Variants in SGCZ observed in about 807,000 individuals in gnomAD.
The protein encoded by SGCZ is zeta-sarcoglycan.
SGCZ carries 40 observed loss-of-function variants against 41.3 expected under a neutral mutation model. The ratio of observed to expected loss-of-function variants is 0.97; its 90% CI spans 0.75 to 1.26. SGCZ has a LOEUF of 1.26. Ranked by LOEUF, SGCZ falls within the 50% of genes most tolerant of loss-of-function variation. The pLI is 0.00. For synonymous variants in SGCZ, 206 were observed against 137.5 expected (o/e 1.50, Z -3.49); for missense variants, 552 against 369.8 (o/e 1.49, Z -4.04).
intron 1 of SGCZ, among the ~76,000 whole-genome samples, chr8:15,179,768 G>C (rs997394499): frequency 9.2e-5 from 14 of 152,202 alleles, no homozygotes; most frequent in Admixed American, 8.5e-4. Flanking sequence ...CAAGACATTA[G>C]GAAATAGAGG....
intron 1 of SGCZ, among the ~76,000 whole-genome samples, chr8:14,960,729 T>C (rs1585414669): frequency 1.3e-5 from 2 of 151,990 alleles, no homozygotes; most frequent in East Asian, 1.9e-4. Flanking sequence ...TGTGAAGAAA[T>C]AGCCAAAGAA....
intron 1 of SGCZ, among the ~76,000 whole-genome samples, chr8:14,992,607 C>T (rs984288779): frequency 6.6e-6 from 1 of 151,252 alleles, no homozygotes; most frequent in African/African-American, 2.4e-5. Context: ...CAAATCTACT[C>T]CCAAAACCAG....
intron 4 of SGCZ, among the ~76,000 whole-genome samples, chr8:14,168,196 G>T (rs1261413525): frequency 6.6e-6 from 1 of 152,144 alleles, no homozygotes; most frequent in Non-Finnish European, 1.5e-5. Flanking sequence ...AAACAAAAAT[G>T]AGATTCAAAA....
chr8:14,586,760 C>T (rs867756341), intron 1 of SGCZ, among the ~76,000 whole-genome samples: 4 of 151,992 alleles, frequency 2.6e-5, no homozygotes, highest in Non-Finnish European at 5.9e-5. Context: ...TATGAAATAT[C>T]TACGTTTTAA....
chr8:14,829,405 T>C (rs950135530), intron 1 of SGCZ, among the ~76,000 whole-genome samples: 3 of 152,248 alleles, frequency 2.0e-5, no homozygotes, highest in Non-Finnish European at 2.9e-5. Context: ...GACGCTTATG[T>C]TGAAATATAA....
intron 2 of SGCZ, among the ~76,000 whole-genome samples, chr8:14,427,389 C>G (rs142102165): frequency 1.3e-5 from 2 of 152,082 alleles, no homozygotes; most frequent in Admixed American, 1.3e-4. Context: ...AAAGAAAAAG[C>G]GTGAAGGCAT....
In SGCZ at chr8:15,225,427, G is replaced by A. The variant is rs192944128; in HGVS notation, c.39+12158C>T. ...CTTATGCAATATTACAACAGAGGGA[G>A]AGGAACTGGCATGACTAAGTAGAAC... On this transcript the variant is annotated intron_variant, in intron 1 of 7. Coordinates refer to ENST00000382080, the MANE Select transcript of SGCZ (RefSeq NM_139167.4). Among the ~76,000 whole-genome samples the A allele has an allele frequency of 1.1e-3, 162 of 152,336 alleles. 2 individuals carry two copies. Among genetic ancestry groups the A allele is most frequent in the Admixed American group, 9.5e-3 (145 of 15,302 alleles).
At chr8:14,646,805 T>G (rs891172032) in intron 1 of SGCZ, among the ~76,000 whole-genome samples, 2 of 152,026 alleles carry the variant, frequency 1.3e-5, no homozygotes, top group Non-Finnish European at 2.9e-5. Context: ...AAAACACTTT[T>G]TTTTGGCACC....
chr8:14,683,422 A>T (rs1007789893), intron 1 of SGCZ, among the ~76,000 whole-genome samples: 10 of 152,266 alleles, frequency 6.6e-5, no homozygotes, highest in African/African-American at 2.4e-4. Context: ...AAAAAACTAA[A>T]AATTAGAATA....
At chr8:14,673,403 G>GCTCTCTCTCGCGCTCGCGCTGT (rs1233937865) in intron 1 of SGCZ, among the ~76,000 whole-genome samples, 8 of 151,882 alleles carry the variant, frequency 5.3e-5, no homozygotes, top group Middle Eastern at 3.4e-3. Flanking sequence ...AGTTTCACCT[G>GCTCTCTCTCGCGCTCGCGCTGT]CTCTCTCTCG....
rs538317590 is a variant in SGCZ, at chr8:15,193,351, G to A, written c.39+44234C>T. 7.1e-4 allele frequency among the ~76,000 whole-genome samples: 108 copies of A among 152,122 alleles called. 1 individual carries two copies. In the South Asian group the frequency reaches 0.017, roughly 23 times the overall value. ...GGTACAAAACATTCATGAGGACATC[G>A]TTATAACTGTCACACGTTGAATTAT... On this transcript the variant is annotated intron_variant, in intron 1 of 7. Transcript: ENST00000382080.
intron 1 of SGCZ, among the ~76,000 whole-genome samples, chr8:14,823,157 G>C (rs902589800): frequency 6.7e-5 from 10 of 150,246 alleles, no homozygotes; most frequent in Admixed American, 2.7e-4. Flanking sequence ...AATGCTTCAT[G>C]ACATTGGGCT....
At chr8:14,519,902 G>C (rs1290888223) in intron 2 of SGCZ, among the ~76,000 whole-genome samples, 1 of 152,010 alleles carries the variant, frequency 6.6e-6, no homozygotes, top group African/African-American at 2.4e-5. Context: ...CTCTGGTAGA[G>C]TGGTTATGTC....
chr8:15,191,980 A>C (rs2117112491), intron 1 of SGCZ, among the ~76,000 whole-genome samples: 1 of 152,210 alleles, frequency 6.6e-6, no homozygotes, highest in South Asian at 2.1e-4. Context: ...CTCACCTGTA[A>C]AAATTGCATA....
At chr8:14,648,172 T>C (rs1182884447) in intron 1 of SGCZ, among the ~76,000 whole-genome samples, 1 of 152,126 alleles carries the variant, frequency 6.6e-6, no homozygotes, top group Non-Finnish European at 1.5e-5. Context: ...TTCAGGTACA[T>C]ATTTAAAAAA....
chr8:14,934,211 A>C (rs1312495440), intron 1 of SGCZ, among the ~76,000 whole-genome samples: 2 of 152,026 alleles, frequency 1.3e-5, no homozygotes, highest in East Asian at 1.9e-4. Flanking sequence ...CAAATCCAGA[A>C]TGGAATAGGG....
At chr8:14,584,660 C>T (rs921923872) in intron 1 of SGCZ, among the ~76,000 whole-genome samples, 6 of 151,848 alleles carry the variant, frequency 4.0e-5, no homozygotes, top group African/African-American at 7.3e-5. Context: ...GCCAAAAGCA[C>T]GCTAAATTTA....
chr8:14,415,404 T>C (rs1799467779), intron 2 of SGCZ, among the ~76,000 whole-genome samples: 1 of 151,838 alleles, frequency 6.6e-6, no homozygotes, highest in African/African-American at 2.4e-5. Context: ...AGCCAATGAG[T>C]TAATGCTCCT....
chr8:15,006,369 A>G (rs1802606636), intron 1 of SGCZ, among the ~76,000 whole-genome samples: 1 of 152,210 alleles, frequency 6.6e-6, no homozygotes, highest in African/African-American at 2.4e-5. Context: ...AAAACAAGAT[A>G]TTGTGAAAAT....
Sources: gnomAD v4.1 joint callset for allele counts (sites outside exome capture counted in the v4.1 genomes callset) on GRCh38, gnomAD v4.1.1 for gene constraint, MANE v1.5 for transcripts, NCBI Gene and HGNC (gene_info 2026-07-23, HGNC 2026-07-21) for gene names.